NRG1: variants seen among roughly 807,000 people sequenced by gnomAD.
NRG1 encodes pro-neuregulin-1, membrane-bound isoform.
In NRG1, 18 loss-of-function variants were observed where a neutral mutation model predicts 63.8. The ratio of observed to expected loss-of-function variants is 0.28; its 90% CI spans 0.19 to 0.42. NRG1 has a LOEUF of 0.42. Among genes scored for constraint, NRG1 ranks in the 10% least tolerant of loss-of-function variants. NRG1 has a pLI of 1.00. For missense variants in NRG1, 762 were observed against 814.7 expected, an observed-to-expected ratio of 0.94 and a Z score of 0.79; for synonymous variants, 302 against 301.3, an observed-to-expected ratio of 1.00 and a Z score of -0.02.
At chr8:31,766,989 T>C (rs187799918) in intron 1 of NRG1, among the ~76,000 whole-genome samples, 5 of 152,334 alleles carry the variant, frequency 3.3e-5, no homozygotes, top group Admixed American at 2.6e-4. Context: ...TTTCTTGTTT[T>C]CATGGGTGAA....
At chr8:32,226,495 T>G (rs1846339730) in intron 1 of NRG1, among the ~76,000 whole-genome samples, 1 of 152,142 alleles carries the variant, frequency 6.6e-6, no homozygotes, top group South Asian at 2.1e-4. Context: ...TTTAGGAAAC[T>G]TGTCTTTTTC....
At chr8:32,527,161 A>G (rs548051928) in intron 1 of NRG1, among the ~76,000 whole-genome samples, 1 of 152,322 alleles carries the variant, frequency 6.6e-6, no homozygotes, top group African/African-American at 2.4e-5. Context: ...AGGAAAAGAA[A>G]TCATTATATC....
chr8:32,136,141 C>A (rs1835491364), intron 1 of NRG1, among the ~76,000 whole-genome samples: 1 of 152,242 alleles, frequency 6.6e-6, no homozygotes, highest in African/African-American at 2.4e-5. Context: ...TGGCCTGTTC[C>A]AGAGCAAAGG....
chr8:31,811,366 A>G (rs753646589), intron 1 of NRG1, among the ~76,000 whole-genome samples: 1 of 152,200 alleles, frequency 6.6e-6, no homozygotes, highest in Non-Finnish European at 1.5e-5. Flanking sequence ...CCCATTACTT[A>G]TATTAATCCC....
chr8:32,114,354 A>G (rs1324630973), intron 1 of NRG1, among the ~76,000 whole-genome samples: 1 of 152,200 alleles, frequency 6.6e-6, no homozygotes, highest in Non-Finnish European at 1.5e-5. Context: ...CAGCTTCCCA[A>G]TCAGTGCATT....
At chr8:31,765,685 A>C (rs1274239567) in intron 1 of NRG1, among the ~76,000 whole-genome samples, 1 of 152,158 alleles carries the variant, frequency 6.6e-6, no homozygotes, top group Non-Finnish European at 1.5e-5. Context: ...AAAGGAGTTC[A>C]CCTTAAATTT....
chr8:32,255,974 A>G (rs928693227), intron 1 of NRG1, among the ~76,000 whole-genome samples: 1 of 151,864 alleles, frequency 6.6e-6, no homozygotes, highest in Non-Finnish European at 1.5e-5. Flanking sequence ...TCAGTCTCTG[A>G]TAGTCTTTCT....
At chr8:31,919,089 C>T (rs1217661022) in intron 1 of NRG1, among the ~76,000 whole-genome samples, 3 of 151,964 alleles carry the variant, frequency 2.0e-5, no homozygotes, top group Non-Finnish European at 2.9e-5. Flanking sequence ...TGATTCTTCT[C>T]TCTTTTTTTC....
intron 1 of NRG1, among the ~76,000 whole-genome samples, chr8:32,135,235 A>G (rs907184768): frequency 2.0e-5 from 3 of 152,222 alleles, no homozygotes; most frequent in African/African-American, 7.2e-5. Context: ...TAAATATAGC[A>G]GAATACATTG....
downstream of NRG1, among the ~76,000 whole-genome samples, chr8:32,768,479 A>G (rs1198470787): frequency 1.3e-5 from 2 of 152,144 alleles, no homozygotes; most frequent in Non-Finnish European, 2.9e-5. Context: ...TGGGCCCACA[A>G]TTTACGGATT....
At chr8:32,199,030 T>C (rs944386887) in intron 1 of NRG1, among the ~76,000 whole-genome samples, 1 of 152,158 alleles carries the variant, frequency 6.6e-6, no homozygotes, top group African/African-American at 2.4e-5. Flanking sequence ...AGCCAAGTAG[T>C]AGACTATGAC....
chr8:32,539,498 A>G (rs1040113914), intron 1 of NRG1, among the ~76,000 whole-genome samples: 2 of 152,188 alleles, frequency 1.3e-5, no homozygotes, highest in African/African-American at 4.8e-5. Context: ...AGGAAGATGT[A>G]AAGAGAAAAA....
At chr8:32,222,034 TACACACACAC>T (rs202206585) in intron 1 of NRG1, among the ~76,000 whole-genome samples, 4 of 148,696 alleles carry the variant, frequency 2.7e-5, no homozygotes, top group East Asian at 2.0e-4. Context: ...GAAACATACA[TACACACACAC>T]ACACACACAC....
intron 1 of NRG1, among the ~76,000 whole-genome samples, chr8:32,434,329 C>G (rs1251414144): frequency 6.6e-6 from 1 of 152,072 alleles, no homozygotes; most frequent in Non-Finnish European, 1.5e-5. Context: ...AGGTACTATG[C>G]TGAGTGCTAA....
intron 1 of NRG1, among the ~76,000 whole-genome samples, chr8:32,567,521 G>A (rs1354808738): frequency 6.6e-6 from 1 of 152,224 alleles, no homozygotes; most frequent in Non-Finnish European, 1.5e-5. Flanking sequence ...AAGTCCCATA[G>A]CCAAGGCAGG....
chr8:32,323,882 CA>C (rs1801701296), intron 1 of NRG1, among the ~76,000 whole-genome samples: 1 of 125,082 alleles, frequency 8.0e-6, no homozygotes, highest in Non-Finnish European at 1.7e-5. Context: ...AGTGTGGAAT[CA>C]GTAACAAAGT....
intron 1 of NRG1, among the ~76,000 whole-genome samples, chr8:31,803,957 G>T (rs1822036623): frequency 6.6e-6 from 1 of 152,082 alleles, no homozygotes; most frequent in African/African-American, 2.4e-5. Flanking sequence ...ACAGCTTTCA[G>T]CCTTCTGCAG....
At chr8:32,747,880 G>A (rs935551005) in intron 7 of NRG1, among the ~76,000 whole-genome samples, 2 of 151,716 alleles carry the variant, frequency 1.3e-5, no homozygotes, top group African/African-American at 4.8e-5. Flanking sequence ...ATGGCCCAGG[G>A]TACATCTCTT....
At chr8:32,536,544 C>T (rs575318703) in intron 1 of NRG1, among the ~76,000 whole-genome samples, 1 of 152,234 alleles carries the variant, frequency 6.6e-6, no homozygotes, top group Non-Finnish European at 1.5e-5. Flanking sequence ...CCATCATAGT[C>T]GTAATTCTCA....
Sources: gnomAD v4.1 joint callset for allele counts (sites outside exome capture counted in the v4.1 genomes callset) on GRCh38, gnomAD v4.1.1 for gene constraint, MANE v1.5 for transcripts, NCBI Gene and HGNC (gene_info 2026-07-23, HGNC 2026-07-21) for gene names.